PRKCG: variants seen among roughly 807,000 people sequenced by gnomAD.
The protein encoded by PRKCG is protein kinase C gamma type.
Under a neutral mutation model 82.0 loss-of-function variants are expected in PRKCG, and 28 were observed. The ratio of observed to expected loss-of-function variants is 0.34; its 90% confidence interval spans 0.25 to 0.47. The LOEUF is 0.47. Ranked by LOEUF, PRKCG falls within the 20% of genes least tolerant of loss-of-function variation. The pLI is 1.00. For missense variants in PRKCG, 640 were observed against 952.7 expected, an observed-to-expected ratio of 0.67 and a Z score of 4.32; for synonymous variants, 383 against 376.6, an observed-to-expected ratio of 1.02 and a Z score of -0.20.
At chr19:53,891,607 T>C (rs996935114) in intron 5 of PRKCG, 67 bp from the exon 6 acceptor site, 58 of 1,585,092 alleles carry the variant, frequency 3.7e-5, no homozygotes, top group Non-Finnish European at 4.8e-5. Context: ...GATTGCTGAC[T>C]GGAGGAGGGC....
At chr19:53,881,490 A>C (rs1224564574), upstream of PRKCG, among the ~76,000 whole-genome samples, 4 of 152,026 alleles carry the variant, frequency 2.6e-5, no homozygotes, top group African/African-American at 7.3e-5. Context: ...CAGAGGCGGA[A>C]GAATTTATCA....
rs2068655157 is a variant in PRKCG at position 53,889,500 on chromosome 19, T to A, written c.286-138T>A. 1.5e-6 allele frequency: 1 copy of A among 683,460 alleles called. No homozygotes were observed. Among genetic ancestry groups the A allele is most frequent in the South Asian group, 1.6e-5 (1 of 60,982 alleles). 42.3% of individuals were successfully genotyped at this position (683,460 alleles called of 1,614,324 possible). The stretch of plus-strand genomic sequence containing the variant: ...CTGGCACACAGCAGGTGCTCAATGA[T>A]TATTGGTACATAGAGTGAAAGAGAT... On this transcript the variant is annotated intron_variant, in intron 3 of 17. Coordinates refer to ENST00000263431, the MANE Select transcript of PRKCG (RefSeq NM_002739.5). This position sits in a 1 kb window ranked among gnomAD's most constrained non-coding sequence, Gnocchi z 4.4.
At chr19:53,906,659 A>C in intron 17 of PRKCG, 48 bp from the exon 18 acceptor site, 3 of 1,598,954 alleles carry the variant, frequency 1.9e-6, no homozygotes, top group Non-Finnish European at 2.6e-6. Context: ...GGGACACCCG[A>C]GGAGCCCTCG....
Position 53,883,542 on chromosome 19 carries a change from C to T in PRKCG, c.202+348C>T, listed in dbSNP as rs1321461556. 1.3e-5 allele frequency among the ~76,000 whole-genome samples: 2 copies of T among 151,500 alleles called. No individual in the cohort carries two copies. Among genetic ancestry groups the T allele is most frequent in the South Asian group, 2.1e-4 (1 of 4,792 alleles). On this transcript the variant is annotated intron_variant, in intron 2 of 17. Coordinates refer to ENST00000263431, the MANE Select transcript of PRKCG (RefSeq NM_002739.5). This position sits in a 1 kb window ranked among gnomAD's most constrained non-coding sequence, Gnocchi z 5.4. ...AGAGCCCCCCCCCACCCCAGGCTGC[C>T]GTCGCCATGACAACACCAGCCGTCC...
chr19:53,893,186 G>T, intron 8 of PRKCG, 111 bp downstream of exon 8: 1 of 1,267,446 alleles, frequency 7.9e-7, no homozygotes, highest in Non-Finnish European at 1.1e-6. Context: ...ACAGTTCCCA[G>T]AAGACCCTAG....
rs2068603115 is a variant in PRKCG, at chr19:53,882,815, T to A, written c.170+151T>A. ...AGGGAACGCTGGGAGCTTCGACTCC[T>A]GGGTTTCAGTGAGGAGGAGGCTGGT... On this transcript the variant is annotated intron_variant, in intron 1 of 17. Transcript: ENST00000263431. The surrounding 1 kb of genome is among the most constrained non-coding windows in gnomAD (Gnocchi z 6.1). 8.6e-7 allele frequency: 1 copy of A among 1,163,726 alleles called. No individual in the cohort carries two copies. Among genetic ancestry groups the A allele is most frequent in the Non-Finnish European group, 1.2e-6 (1 of 847,484 alleles). 72.1% of individuals were successfully genotyped at this position (1,163,726 alleles called of 1,614,324 possible). A position where few individuals can be genotyped will look rare whatever the true frequency, so the allele number is the denominator to read the frequency against.
chr19:53,893,237 G>T (rs944996664), intron 8 of PRKCG, 125 bp from the exon 9 acceptor site: 3 of 1,310,390 alleles, frequency 2.3e-6, no homozygotes, highest in African/African-American at 2.9e-5. Flanking sequence ...GAGCCCCAGG[G>T]TCTGATGGGA....
intron 5 of PRKCG, 40 bp downstream of exon 5, chr19:53,890,057 A>T (rs1286464067): frequency 6.6e-7 from 1 of 1,509,426 alleles, no homozygotes; most frequent in Non-Finnish European, 8.8e-7. Context: ...CCCCCTCCCC[A>T]AGTGTGAGGC....
chr19:53,895,724 A>C (rs951063874), intron 9 of PRKCG, among the ~76,000 whole-genome samples: 2 of 152,018 alleles, frequency 1.3e-5, no homozygotes, highest in Non-Finnish European at 2.9e-5. Flanking sequence ...CTGCCTACTA[A>C]ATTAATTCCT....
rs906908464 is a variant in PRKCG at position 53,882,705 on chromosome 19, A to G, written c.170+41A>G. The G allele has an allele frequency of 3.8e-6, 6 of 1,599,786 alleles. No individual in the cohort carries two copies. The African/African-American group carries it at 8.1e-5, about 22-fold the overall frequency. ...TGGGGGACTGGGGGACGAGGGGACT[A>G]GGGGTGCAGACTCCTATCACGCCGA... is the stretch of plus-strand genomic sequence containing the variant. On this transcript the variant is annotated intron_variant, in intron 1 of 17. Transcript: ENST00000263431. The surrounding 1 kb of genome is among the most constrained non-coding windows in gnomAD (Gnocchi z 6.1).
intron 9 of PRKCG, among the ~76,000 whole-genome samples, chr19:53,894,915 G>C (rs1046725525): frequency 8.5e-5 from 13 of 152,160 alleles, no homozygotes; most frequent in African/African-American, 3.1e-4. Context: ...ACAGCCTCAG[G>C]CACTGGGGCG....
chr19:53,883,018 G>C lies in PRKCG; in HGVS notation c.171-145G>C. The C allele has an allele frequency of 9.4e-7, 1 of 1,059,658 alleles. No individual in the cohort carries two copies. 65.6% of individuals were successfully genotyped at this position (1,059,658 alleles called of 1,614,324 possible). Reference sequence around the variant, plus strand: ...GAAGGGCTGGGGGCCAAAATTTCTGGGTTCTAGAAAGAGGAGGTGGCCGGG... The same window carrying C: ...GAAGGGCTGGGGGCCAAAATTTCTGCGTTCTAGAAAGAGGAGGTGGCCGGG... On this transcript the variant is annotated intron_variant, in intron 1 of 17. Coordinates refer to ENST00000263431, the MANE Select transcript of PRKCG (RefSeq NM_002739.5). The surrounding 1 kb of genome is among the most constrained non-coding windows in gnomAD (Gnocchi z 5.4).
rs2068653668 is a variant in PRKCG, at chr19:53,889,266, T to C, written c.286-372T>C. Reference sequence around the variant, plus strand: ...ACCGCACCCAGCCAGGACCACCGTATTTAAAATTTCAATCCCCCAACTTCT... The same window carrying C: ...ACCGCACCCAGCCAGGACCACCGTACTTAAAATTTCAATCCCCCAACTTCT... On this transcript the variant is annotated intron_variant, in intron 3 of 17. Coordinates refer to ENST00000263431, the MANE Select transcript of PRKCG (RefSeq NM_002739.5). This position sits in a 1 kb window ranked among gnomAD's most constrained non-coding sequence, Gnocchi z 4.4. 6.6e-6 allele frequency among the ~76,000 whole-genome samples: 1 copy of C among 152,116 alleles called. No homozygotes were observed. Among genetic ancestry groups the C allele is most frequent in the African/African-American group, 2.4e-5 (1 of 41,410 alleles).
chr19:53,894,152 GC>G (rs1401758489), intron 9 of PRKCG, among the ~76,000 whole-genome samples: 1 of 151,814 alleles, frequency 6.6e-6, no homozygotes, highest in Non-Finnish European at 1.5e-5. Flanking sequence ...TGCAAGCTCC[GC>G]CTCCTGGGTT....
At chr19:53,890,240 A>C (rs1599943700) in intron 5 of PRKCG, among the ~76,000 whole-genome samples, 1 of 148,642 alleles carries the variant, frequency 6.7e-6, no homozygotes. Flanking sequence ...AACTTTCTGC[A>C]CCTGTTAATG....
At chr19:53,901,353 G>A (rs1025524817) in intron 14 of PRKCG, among the ~76,000 whole-genome samples, 4 of 151,864 alleles carry the variant, frequency 2.6e-5, no homozygotes, top group African/African-American at 9.7e-5. Context: ...AGACCAGCCT[G>A]GCCAACATGG....
chr19:53,883,042 G>A lies in PRKCG; in HGVS notation c.171-121G>A. The A allele has an allele frequency of 7.7e-7, 1 of 1,305,398 alleles. No individual in the cohort carries two copies. The highest frequency in any genetic ancestry group is 1.2e-5 in the South Asian group (1 of 84,620). The allele number at this position is 1,305,398 out of a possible 1,614,324, so 80.9% of individuals were successfully genotyped here. A position where few individuals can be genotyped will look rare whatever the true frequency, so the allele number is the denominator to read the frequency against. The stretch of plus-strand genomic sequence containing the variant: ...GGGTTCTAGAAAGAGGAGGTGGCCG[G>A]GGCTTGGACACCTGGGCCCTGCGGG... On this transcript the variant is annotated intron_variant, in intron 1 of 17. Transcript: ENST00000263431. The surrounding 1 kb of genome is among the most constrained non-coding windows in gnomAD (Gnocchi z 5.4).
chr19:53,901,849 CAAAAA>C (rs752402468), intron 14 of PRKCG, among the ~76,000 whole-genome samples: 3 of 69,096 alleles, frequency 4.3e-5, no homozygotes, highest in East Asian at 7.9e-4. Context: ...GACCCTGTCT[CAAAAA>C]AAAAAAAAAA....
In PRKCG at chr19:53,907,181, T is replaced by G; in HGVS notation, c.*286T>G. 1.8e-6 allele frequency: 1 copy of G among 564,170 alleles called. No homozygotes were observed. Among genetic ancestry groups the G allele is most frequent in the Non-Finnish European group, 3.1e-6 (1 of 324,804 alleles). 34.9% of individuals were successfully genotyped at this position (564,170 alleles called of 1,614,324 possible). On this transcript the variant is annotated 3_prime_UTR_variant, in exon 18 of 18. Transcript: ENST00000263431. ...CAATCGGGTCCAGAGACCACACCACTAACCATCCCCAACTCCATGGGGTTC... is the reference window on the plus strand; with the variant it reads ...CAATCGGGTCCAGAGACCACACCACGAACCATCCCCAACTCCATGGGGTTC...
Sources: allele counts gnomAD v4.1 joint callset (sites outside exome capture counted in the v4.1 genomes callset), GRCh38; gene constraint gnomAD v4.1.1; non-coding constraint Gnocchi (gnomAD v3.1); transcripts MANE v1.5; gene names NCBI Gene and HGNC (gene_info 2026-07-23, HGNC 2026-07-21).